UGGT2: variants seen among roughly 807,000 people sequenced by gnomAD.
UGGT2 encodes the protein UDP-glucose glycoprotein glucosyltransferase 2, also known as UDP-glucose:glycoprotein glucosyltransferase 2.
UGGT2 carries 180 observed loss-of-function variants against 192.1 expected under a neutral mutation model. That is an observed-to-expected ratio of 0.94 (90% CI 0.83 to 1.06). UGGT2 has a LOEUF of 1.06. Among genes scored for constraint, UGGT2 ranks in the 50% least tolerant of loss-of-function variants. The pLI is 0.00. For missense variants in UGGT2, 1,849 were observed against 1,795.7 expected (o/e 1.03, Z -0.54); for synonymous variants, 580 against 591.0 (o/e 0.98, Z 0.27).
At chr13:95,982,433 A>G (rs145866662) in intron 10 of UGGT2, among the ~76,000 whole-genome samples, 1 of 152,182 alleles carries the variant, frequency 6.6e-6, no homozygotes, top group African/African-American at 2.4e-5. Context: ...GTACAGTAAG[A>G]AGCAGATAAC....
intron 34 of UGGT2, 33 bp from the exon 35 acceptor site, chr13:95,854,508 C>A: frequency 6.5e-7 from 1 of 1,535,470 alleles, no homozygotes; most frequent in Non-Finnish European, 8.8e-7. Context: ...CTGATAAAGA[C>A]TGTAAAATAA....
At chr13:95,825,478 A>G (rs1417043138) in intron 38 of UGGT2, among the ~76,000 whole-genome samples, 1 of 152,130 alleles carries the variant, frequency 6.6e-6, no homozygotes, top group Admixed American at 6.6e-5. Flanking sequence ...TGGTCCAGCT[A>G]TTCAGGTATT....
intron 2 of UGGT2, among the ~76,000 whole-genome samples, chr13:96,028,507 C>G (rs2052732654): frequency 6.6e-6 from 1 of 152,194 alleles, no homozygotes; most frequent in Non-Finnish European, 1.5e-5. Flanking sequence ...CACAAAACTA[C>G]ATAGGTTAAC....
chr13:95,948,063 C>A lies in UGGT2; in HGVS notation c.1474G>T (p.Ala492Ser), dbSNP rs751750936. The change falls in exon 14 of 39, where the codon GCC (alanine) becomes TCC (serine). Residue 492 changes from alanine (A) to serine (S), a missense_variant. Transcript: ENST00000376747. Reference protein sequence around the residue: ...FHNLVLFIDPAQEYTLDFIKL... With the variant: ...FHNLVLFIDPSQEYTLDFIKL... ...ATAAAATCCAAGGTATATTCTTGGG[C>A]CGGATCAATAAACAGAACCTAAAAG... is the stretch of plus-strand genomic sequence containing the variant. 32 of 1,612,556 alleles carry A rather than the reference C, an allele frequency of 2.0e-5. No individual in the cohort carries two copies. Among genetic ancestry groups the A allele is most frequent in the Non-Finnish European group, 2.4e-5 (28 of 1,179,352 alleles).
chr13:95,949,167 A>G (rs995311132), intron 13 of UGGT2, among the ~76,000 whole-genome samples, 168 bp downstream of exon 13: 1 of 152,192 alleles, frequency 6.6e-6, no homozygotes, highest in African/African-American at 2.4e-5. Flanking sequence ...ATACAGTGAC[A>G]TGGCTAGTTG....
At chr13:95,858,039 G>GAGA (rs1224857654) in intron 33 of UGGT2, among the ~76,000 whole-genome samples, 2 of 150,626 alleles carry the variant, frequency 1.3e-5, no homozygotes, top group East Asian at 3.9e-4. Flanking sequence ...AGCATAGGAG[G>GAGA]AGACACTGTT....
At chr13:96,027,647 G>A (rs556105263) in intron 2 of UGGT2, among the ~76,000 whole-genome samples, 8 of 152,134 alleles carry the variant, frequency 5.3e-5, no homozygotes, top group Non-Finnish European at 8.8e-5. Flanking sequence ...TTAACGACAC[G>A]TAGCTCTACT....
At chr13:95,983,892 A>T (rs765405293) in intron 9 of UGGT2, 28 bp from the exon 10 acceptor site, 2 of 1,448,566 alleles carry the variant, frequency 1.4e-6, no homozygotes, top group African/African-American at 1.4e-5. Flanking sequence ...AATATAATTG[A>T]TCCTTCCTTA....
chr13:95,978,656 C>G (rs963672149), intron 10 of UGGT2, among the ~76,000 whole-genome samples: 4 of 152,152 alleles, frequency 2.6e-5, no homozygotes, highest in African/African-American at 9.7e-5. Flanking sequence ...TTCACAGTTT[C>G]AGGTCTCACA....
At chr13:96,004,435 G>C (rs2051905630) in intron 5 of UGGT2, among the ~76,000 whole-genome samples, 1 of 152,110 alleles carries the variant, frequency 6.6e-6, no homozygotes, top group Non-Finnish European at 1.5e-5. Flanking sequence ...AAAACTAGTG[G>C]GGATGTGGGG....
At chr13:95,806,929 C>T (rs2139730942) in intron 38 of UGGT2, among the ~76,000 whole-genome samples, 1 of 152,182 alleles carries the variant, frequency 6.6e-6, no homozygotes, top group African/African-American at 2.4e-5. Flanking sequence ...CTATAGCGCT[C>T]TTAGAAGAAA....
In UGGT2 at chr13:95,888,925, C is replaced by T. The variant is rs553727519; in HGVS notation, c.2959-954G>A. On this transcript the variant is annotated intron_variant, in intron 25 of 38. Coordinates refer to ENST00000376747, the MANE Select transcript of UGGT2 (RefSeq NM_020121.4). ...AAATTCCTGGGCTCAACCAATTCTC[C>T]CACCTCAGCCTCCTGAGTAGTAACT... is the stretch of plus-strand genomic sequence containing the variant. 2.0e-5 allele frequency among the ~76,000 whole-genome samples: 3 copies of T among 152,072 alleles called. No individual in the cohort carries two copies. In the South Asian group the frequency reaches 6.2e-4, roughly 32 times the overall value.
At position 96,051,034 on chromosome 13, in the gene UGGT2, CAT is replaced by C. The variant is rs562235868; in HGVS notation, c.158+2119_158+2120del. Among the ~76,000 whole-genome samples the C allele has an allele frequency of 5.2e-3, 796 of 152,232 alleles. 11 individuals carry two copies. The highest frequency in any genetic ancestry group is 0.018 in the African/African-American group (750 of 41,536). The stretch of plus-strand genomic sequence containing the variant: ...GCTGCTATAAAGACACATGCACACA[CAT>C]GTTTATTGCGGCACTATTCACAATA... On this transcript the variant is annotated intron_variant, in intron 1 of 38. Transcript: ENST00000376747.
At chr13:95,822,695 C>A (rs1885636033) in intron 38 of UGGT2, among the ~76,000 whole-genome samples, 3 of 151,904 alleles carry the variant, frequency 2.0e-5, no homozygotes. Flanking sequence ...TTTGGATTTT[C>A]TCTCTTTTTG....
chr13:95,883,355 T>C (rs2047548855), intron 27 of UGGT2, among the ~76,000 whole-genome samples: 1 of 152,080 alleles, frequency 6.6e-6, no homozygotes, highest in Non-Finnish European at 1.5e-5. Context: ...TGGAAATAGG[T>C]CAGAGGGAGG....
chr13:95,903,859 C>T (rs1242068221), intron 20 of UGGT2, among the ~76,000 whole-genome samples: 2 of 152,138 alleles, frequency 1.3e-5, no homozygotes, highest in African/African-American at 2.4e-5. Context: ...ACCTCACAGC[C>T]TAAGAAACAC....
intron 20 of UGGT2, among the ~76,000 whole-genome samples, chr13:95,924,552 G>A (rs528855123): frequency 8.4e-4 from 127 of 151,880 alleles, no homozygotes; most frequent in Non-Finnish European, 5.9e-4. Flanking sequence ...CTCCAAGATG[G>A]CCCCAACGAT....
chr13:95,838,701 G>A (rs761240487), intron 36 of UGGT2, among the ~76,000 whole-genome samples: 17 of 152,074 alleles, frequency 1.1e-4, no homozygotes, highest in Admixed American at 5.9e-4. Context: ...AATAAAGTCC[G>A]TTAATCAAAG....
chr13:95,807,808 T>C (rs1884391680), intron 38 of UGGT2, among the ~76,000 whole-genome samples: 1 of 149,314 alleles, frequency 6.7e-6, no homozygotes, highest in Non-Finnish European at 1.5e-5. Context: ...ATGCACAACA[T>C]CTGGGCAGTT....
Sources: gnomAD v4.1 joint callset for allele counts (sites outside exome capture counted in the v4.1 genomes callset) on GRCh38, gnomAD v4.1.1 for gene constraint, MANE v1.5 for transcripts, NCBI Gene and HGNC (gene_info 2026-07-23, HGNC 2026-07-21) for gene names.